Variants in SNX5 observed in about 807,000 individuals in gnomAD.
The protein encoded by SNX5 is sorting nexin 5, also known as sorting nexin-5.
Under a neutral mutation model 53.9 loss-of-function variants are expected in SNX5, and 31 were observed. The ratio of observed to expected loss-of-function variants is 0.58; its 90% CI spans 0.43 to 0.78. The LOEUF (loss-of-function observed/expected upper bound fraction) is 0.78, where lower values mean the gene tolerates loss of function less well. Among genes scored for constraint, SNX5 ranks in the 30% least tolerant of loss-of-function variants. The probability of loss-of-function intolerance (pLI) is 0.00; values close to 1 mark genes in which losing one functional copy is unlikely to be tolerated. For missense variants in SNX5, 471 were observed against 478.8 expected, an observed-to-expected ratio of 0.98 and a Z score of 0.15; for synonymous variants, 168 against 171.1, an observed-to-expected ratio of 0.98 and a Z score of 0.14.
chr20:17,954,291 A>C, intron 3 of SNX5, 174 bp from the exon 4 acceptor site: 1 of 979,704 alleles, frequency 1.0e-6, no homozygotes, highest in South Asian at 1.8e-5. Context: ...GGACATTTAA[A>C]ATGAGGTGTC....
rs1178206917 is a variant in SNX5, at chr20:17,950,301, T to C, written c.705A>G (p.Arg235=). The change falls in exon 7 of 13, where the codon AGA becomes AGG. Residue 235 remains arginine, a synonymous_variant. Coordinates refer to ENST00000377759, the MANE Select transcript of SNX5 (RefSeq NM_014426.4). Reference sequence around the variant, plus strand: ...GTAAATGATATTTACTTTTATGAGATCTGGTCATTTTGTCAGCTTTCACAC... The same window carrying C: ...GTAAATGATATTTACTTTTATGAGACCTGGTCATTTTGTCAGCTTTCACAC... The part of the protein sequence containing the change: ...DSCVKADKMT[R]SHKNVADDYI... 2 of 1,612,142 alleles carry C rather than the reference T, an allele frequency of 1.2e-6. No individual in the cohort carries two copies. Among genetic ancestry groups the C allele is most frequent in the South Asian group, 2.2e-5 (2 of 91,030 alleles).
rs145652755 is a variant in SNX5, at chr20:17,950,373, T to C, written c.633A>G (p.Gln211=). The part of the protein sequence containing the change: ...GVKEVDDFFE[Q]EKNFLINYYN... ...AATAGTTAATAAGGAAGTTCTTCTC[T>C]TGCTCAAAGAAGTCATCTACCTCCT... Residue 211 remains glutamine, a synonymous_variant, in exon 7 of 13, where the codon CAA becomes CAG. Coordinates refer to ENST00000377759, the MANE Select transcript of SNX5 (RefSeq NM_014426.4). 1 of 1,611,716 alleles carries C rather than the reference T, an allele frequency of 6.2e-7. No homozygotes were observed. Among genetic ancestry groups the C allele is most frequent in the East Asian group, 2.2e-5 (1 of 44,892 alleles).
intron 1 of SNX5, 94 bp downstream of exon 1, chr20:17,968,281 A>G: frequency 9.4e-7 from 1 of 1,066,518 alleles, no homozygotes; most frequent in South Asian, 4.6e-5. Flanking sequence ...GGCGGCGAGC[A>G]GCCACGGCCT....
chr20:17,952,797 C>A, intron 4 of SNX5, 87 bp from the exon 5 acceptor site: 1 of 1,463,126 alleles, frequency 6.8e-7, no homozygotes, highest in Non-Finnish European at 9.2e-7. Context: ...TGGCCCTGCT[C>A]ATGCCACCAC....
chr20:17,962,794 C>T, intron 1 of SNX5: 1 of 519,224 alleles, frequency 1.9e-6, no homozygotes, highest in South Asian at 1.4e-5. Flanking sequence ...TTACCGGTAG[C>T]CTGCCAACAC....
chr20:17,952,724 T>G lies in SNX5; in HGVS notation c.390-14A>C, dbSNP rs769439779. 53 of 1,611,926 alleles carry G rather than the reference T, an allele frequency of 3.3e-5. No individual in the cohort carries two copies. The East Asian group carries it at 1.1e-3, about 34-fold the overall frequency. On this transcript the variant is annotated splice_polypyrimidine_tract_variant and intron_variant, in intron 4 of 12. Transcript: ENST00000377759. ...GCGAGATACTCACTGAAAAGAGATG[T>G]GCACATGGCATTCAGTTGACACAGC...
At chr20:17,943,227 GAA>G in intron 11 of SNX5, 32 bp from the exon 12 acceptor site, 1 of 1,411,708 alleles carries the variant, frequency 7.1e-7, no homozygotes, top group Non-Finnish European at 1.0e-6. Flanking sequence ...ATGAAACCAA[GAA>G]AAACTAAACA....
intron 4 of SNX5, among the ~76,000 whole-genome samples, chr20:17,953,067 G>A (rs1416880358): frequency 6.6e-6 from 1 of 152,162 alleles, no homozygotes; most frequent in African/African-American, 2.4e-5. Flanking sequence ...GTCTAATGAA[G>A]CTAAAAGTTA....
intron 1 of SNX5, among the ~76,000 whole-genome samples, chr20:17,959,221 T>TTG (rs1231920379): frequency 6.6e-6 from 1 of 152,204 alleles, no homozygotes; most frequent in African/African-American, 2.4e-5. Flanking sequence ...TGGAGCTCAT[T>TTG]TGTGCACCAC....
intron 1 of SNX5, among the ~76,000 whole-genome samples, chr20:17,965,413 C>G (rs1485466268): frequency 6.6e-6 from 1 of 152,176 alleles, no homozygotes; most frequent in Non-Finnish European, 1.5e-5. Flanking sequence ...AGCTCAGAAA[C>G]AAATCTAGAA....
chr20:17,953,375 T>C (rs1233194250), intron 4 of SNX5, among the ~76,000 whole-genome samples: 3 of 152,258 alleles, frequency 2.0e-5, no homozygotes, highest in Admixed American at 2.0e-4. Context: ...AATCTATTTT[T>C]GTTTGAAAAA....
At chr20:17,960,935 TAA>T (rs1292643178) in intron 1 of SNX5, among the ~76,000 whole-genome samples, 1 of 152,172 alleles carries the variant, frequency 6.6e-6, no homozygotes, top group Non-Finnish European at 1.5e-5. Context: ...AAGTTTTAGG[TAA>T]AGTTTCAGTT....
intron 1 of SNX5, among the ~76,000 whole-genome samples, chr20:17,964,073 T>C (rs972022498): frequency 1.3e-5 from 2 of 152,112 alleles, no homozygotes; most frequent in African/African-American, 4.8e-5. Context: ...AGAAAAAGAA[T>C]TCTAAACAAA....
chr20:17,958,977 G>T (rs111809887), intron 1 of SNX5, among the ~76,000 whole-genome samples: 3 of 152,188 alleles, frequency 2.0e-5, no homozygotes, highest in Non-Finnish European at 4.4e-5. Context: ...AGGAGACATA[G>T]GACAGCTCAC....
In SNX5 at chr20:17,953,101, T is replaced by C. The variant is rs576819863; in HGVS notation, c.390-391A>G. 3.9e-5 allele frequency among the ~76,000 whole-genome samples: 6 copies of C among 152,340 alleles called. No homozygotes were observed. In the South Asian group the frequency reaches 1.2e-3, roughly 32 times the overall value. ...TAACAAAAATTACAAAGCAGCTTTA[T>C]CTCAACCTAGACATTAAAAGTCACC... On this transcript the variant is annotated intron_variant, in intron 4 of 12. Coordinates refer to ENST00000377759, the MANE Select transcript of SNX5 (RefSeq NM_014426.4).
At chr20:17,968,099 C>CATCT (rs1346142252) in intron 1 of SNX5, 2 of 398,748 alleles carry the variant, frequency 5.0e-6, no homozygotes, top group Non-Finnish European at 8.8e-6. Context: ...CTCCAGAGAT[C>CATCT]ATCTCTCCAA....
chr20:17,950,225 A>T lies in SNX5; in HGVS notation c.716-18T>A. On this transcript the variant is annotated intron_variant, in intron 7 of 12. Coordinates refer to ENST00000377759, the MANE Select transcript of SNX5 (RefSeq NM_014426.4). ...GGCAACATCTGCAGAAACAAGGACA[A>T]GTCTTTTTATCCAAACACAGCCAGG... 6.2e-7 allele frequency: 1 copy of T among 1,614,078 alleles called. No homozygotes were observed. The highest frequency in any genetic ancestry group is 8.5e-7 in the Non-Finnish European group (1 of 1,179,908).
At position 17,942,360 on chromosome 20, in the gene SNX5, G is replaced by T; in HGVS notation, c.1212C>A (p.Asn404Lys). 3 of 1,602,826 alleles carry T rather than the reference G, an allele frequency of 1.9e-6. No individual in the cohort carries two copies. Among genetic ancestry groups the T allele is most frequent in the Non-Finnish European group, 2.6e-6 (3 of 1,169,812 alleles). The stretch of plus-strand genomic sequence containing the variant: ...TTTTCTTCTGAGTGAAGGCATATCA[G>T]TTATTCTTGAACAAGTCAATACAGC... ...LQSCIDLFKN[N>K] Residue 404 changes from asparagine (N) to lysine (K), a missense_variant, in exon 13 of 13, where the codon AAC (asparagine) becomes AAA (lysine). Coordinates refer to ENST00000377759, the MANE Select transcript of SNX5 (RefSeq NM_014426.4).
intron 11 of SNX5, among the ~76,000 whole-genome samples, chr20:17,946,384 C>T (rs6136233): frequency 0.27 from 41,458 of 152,132 alleles, 5,991 homozygotes; most frequent in East Asian, 0.44. Context: ...AAGGCTGGAG[C>T]AGAGAGTAAG....
Sources: gnomAD v4.1 joint callset for allele counts (sites outside exome capture counted in the v4.1 genomes callset) on GRCh38, gnomAD v4.1.1 for gene constraint, MANE v1.5 for transcripts, NCBI Gene and HGNC (gene_info 2026-07-23, HGNC 2026-07-21) for gene names.